Variants in PTPN4 observed in about 807,000 individuals in gnomAD.
The protein encoded by PTPN4 is protein tyrosine phosphatase non-receptor type 4.
PTPN4 carries 49 observed loss-of-function variants against 135.5 expected under a neutral mutation model. That is an observed-to-expected ratio of 0.36 (90% CI 0.29 to 0.46). PTPN4 has a LOEUF of 0.46. PTPN4 is among the 20% of genes least tolerant of loss of function. PTPN4 has a pLI of 1.00. For missense variants in PTPN4, 860 were observed against 1,101.0 expected, an observed-to-expected ratio of 0.78 and a Z score of 3.10; for synonymous variants, 333 against 369.9, an observed-to-expected ratio of 0.90 and a Z score of 1.14.
chr2:119,793,687 A>G (rs1168718149), intron 1 of PTPN4, among the ~76,000 whole-genome samples: 3 of 152,120 alleles, frequency 2.0e-5, no homozygotes, highest in Non-Finnish European at 4.4e-5. Context: ...GAACTAATAA[A>G]TGTCCATGAA....
chr2:119,960,203 A>C (rs1377973366), intron 22 of PTPN4, among the ~76,000 whole-genome samples: 1 of 152,200 alleles, frequency 6.6e-6, no homozygotes, highest in Non-Finnish European at 1.5e-5. Context: ...TGTCATGTGC[A>C]TATATCACCT....
chr2:119,851,848 A>C (rs1008796894), intron 2 of PTPN4, among the ~76,000 whole-genome samples: 2 of 152,174 alleles, frequency 1.3e-5, no homozygotes, highest in Non-Finnish European at 2.9e-5. Flanking sequence ...TAATTGTGGA[A>C]CCATCACCTG....
intron 2 of PTPN4, among the ~76,000 whole-genome samples, chr2:119,842,756 A>G (rs2968774): frequency 0.026 from 3,959 of 152,288 alleles, 173 homozygotes; most frequent in African/African-American, 0.089. Flanking sequence ...GCCCAATGGT[A>G]ACATCTTCTC....
At chr2:119,849,046 G>C (rs1677552047) in intron 2 of PTPN4, among the ~76,000 whole-genome samples, 1 of 152,190 alleles carries the variant, frequency 6.6e-6, no homozygotes, top group Non-Finnish European at 1.5e-5. Flanking sequence ...AAAACCATTT[G>C]ATTTTGTTTT....
chr2:119,841,815 C>T (rs1368205022), intron 2 of PTPN4, among the ~76,000 whole-genome samples: 2 of 152,028 alleles, frequency 1.3e-5, no homozygotes, highest in Non-Finnish European at 2.9e-5. Flanking sequence ...GGAAAAATAA[C>T]ATTATTGATT....
chr2:119,792,089 C>A (rs150867476), intron 1 of PTPN4, among the ~76,000 whole-genome samples: 17 of 152,044 alleles, frequency 1.1e-4, no homozygotes. Flanking sequence ...TCTGCTGTTG[C>A]GCTCTTCTAT....
chr2:119,774,779 C>A (rs940750057), intron 1 of PTPN4, among the ~76,000 whole-genome samples: 18 of 152,250 alleles, frequency 1.2e-4, no homozygotes, highest in African/African-American at 4.1e-4. Context: ...ATAATCCCAG[C>A]ACTTTGGGAG....
intron 2 of PTPN4, among the ~76,000 whole-genome samples, chr2:119,847,328 A>ATT (rs150876390): frequency 0.042 from 4,255 of 102,526 alleles, 214 homozygotes; most frequent in African/African-American, 0.058. Context: ...ATATATATAT[A>ATT]TTTTTTTTTT....
chr2:119,881,187 A>G (rs1197526245), intron 5 of PTPN4, among the ~76,000 whole-genome samples: 1 of 152,216 alleles, frequency 6.6e-6, no homozygotes, highest in South Asian at 2.1e-4. Flanking sequence ...TGTTGGTTTC[A>G]CAGGAAATTG....
At chr2:119,796,295 G>A (rs1484806217) in intron 1 of PTPN4, among the ~76,000 whole-genome samples, 4 of 152,126 alleles carry the variant, frequency 2.6e-5, no homozygotes, top group African/African-American at 4.8e-5. Context: ...TAAAAATAAT[G>A]AACATATCTA....
chr2:119,783,202 A>G (rs1344999001), intron 1 of PTPN4, among the ~76,000 whole-genome samples: 1 of 152,050 alleles, frequency 6.6e-6, no homozygotes, highest in Non-Finnish European at 1.5e-5. Context: ...TTGTACATTG[A>G]TTTAGGAACA....
intron 1 of PTPN4, among the ~76,000 whole-genome samples, chr2:119,790,869 C>T (rs1283895823): frequency 4.0e-5 from 6 of 151,734 alleles, no homozygotes; most frequent in African/African-American, 1.5e-4. Flanking sequence ...TGTGATTGCC[C>T]AGGGTATTTA....
chr2:119,921,928 T>G (rs1678742483), intron 12 of PTPN4, among the ~76,000 whole-genome samples: 2 of 152,172 alleles, frequency 1.3e-5, no homozygotes. Flanking sequence ...TTTTCTCCTC[T>G]TTGTCCTTGC....
intron 9 of PTPN4, among the ~76,000 whole-genome samples, chr2:119,900,277 C>T (rs1048533721): frequency 6.6e-6 from 1 of 151,974 alleles, no homozygotes; most frequent in Non-Finnish European, 1.5e-5. Context: ...GTAAATATTG[C>T]TTTATTGGGT....
chr2:119,957,098 C>T (rs777561707), intron 22 of PTPN4, 21 bp downstream of exon 22: 1 of 1,581,206 alleles, frequency 6.3e-7, no homozygotes, highest in Non-Finnish European at 8.6e-7. Flanking sequence ...TCTTATTATG[C>T]CTTTGCCATT....
chr2:119,875,102 A>G (rs1677966062), intron 3 of PTPN4, among the ~76,000 whole-genome samples: 1 of 152,052 alleles, frequency 6.6e-6, no homozygotes, highest in Non-Finnish European at 1.5e-5. Flanking sequence ...CTGTTTTTCT[A>G]TTAGTGTCAG....
Position 119,980,741 on chromosome 2 carries a change from T to TA in PTPN4, c.*3672dup, listed in dbSNP as rs1385901018. On this transcript the variant is annotated 3_prime_UTR_variant, in exon 27 of 27. Transcript: ENST00000263708. Reference sequence around the variant, plus strand: ...AGCAGGCTTAAGAAGTGATTCTAATTAGGACCCCCACTCAGTTTGCTAGTC... The same window carrying TA: ...AGCAGGCTTAAGAAGTGATTCTAATTAAGGACCCCCACTCAGTTTGCTAGTC... The TA allele has an allele frequency of 6.6e-6, 1 of 151,986 alleles. No homozygotes were observed. The highest frequency in any genetic ancestry group is 1.9e-4 in the East Asian group (1 of 5,196). The allele number at this position is 151,986 out of a possible 1,614,324, so 9.4% of individuals were successfully genotyped here.
intron 12 of PTPN4, among the ~76,000 whole-genome samples, chr2:119,920,802 A>T (rs529526446): frequency 7.2e-5 from 11 of 152,334 alleles, no homozygotes; most frequent in African/African-American, 2.6e-4. Flanking sequence ...TTTGGGGAAT[A>T]ACTAAATCTG....
intron 1 of PTPN4, among the ~76,000 whole-genome samples, chr2:119,804,320 T>G (rs1158063299): frequency 6.6e-6 from 1 of 152,158 alleles, no homozygotes; most frequent in Non-Finnish European, 1.5e-5. Context: ...AGGGTACATG[T>G]GCACAACGTG....
Sources: gnomAD v4.1 joint callset for allele counts (sites outside exome capture counted in the v4.1 genomes callset) on GRCh38, gnomAD v4.1.1 for gene constraint, MANE v1.5 for transcripts, NCBI Gene and HGNC (gene_info 2026-07-23, HGNC 2026-07-21) for gene names.